The following TECTA variants were observed in gnomAD, a reference collection of about 807,000 sequenced individuals.
TECTA encodes tectorin alpha.
In TECTA, 128 loss-of-function variants were observed where a neutral mutation model predicts 216.8. The ratio of observed to expected loss-of-function variants is 0.59; its 90% CI spans 0.51 to 0.68. TECTA has a LOEUF of 0.68. Among genes scored for constraint, TECTA ranks in the 30% least tolerant of loss-of-function variants. The pLI, the probability that TECTA is intolerant of heterozygous loss-of-function variation, is 0.00. For missense variants in TECTA, 2,551 were observed against 2,786.2 expected, an observed-to-expected ratio of 0.92 and a Z score of 1.90; for synonymous variants, 1,089 against 1,117.1, an observed-to-expected ratio of 0.97 and a Z score of 0.50.
rs200019166 is a variant in TECTA, at chr11:121,160,389, C to T, written c.4944C>T (p.Ala1648=). The T allele has an allele frequency of 1.3e-5, 21 of 1,612,764 alleles. No homozygotes were observed. The highest frequency in any genetic ancestry group is 1.6e-4 in the Middle Eastern group (1 of 6,062). ...CGGTGGTAAGCAGCGTGGTGCTGGC[C>T]CAGAGCTGGAAAACCAATGGCATGC... ...GKPVVSSVVL[A]QSWKTNGMQK... Residue 1648 remains alanine, a synonymous_variant, in exon 15 of 24, where the codon GCC becomes GCT. Coordinates refer to ENST00000392793, the MANE Select transcript of TECTA (RefSeq NM_005422.4).
intron 12 of TECTA, among the ~76,000 whole-genome samples, chr11:121,150,643 ATT>A (rs202043512): frequency 0.015 from 1,933 of 127,882 alleles, 16 homozygotes; most frequent in Middle Eastern, 0.045. Flanking sequence ...GCCTATTTTA[ATT>A]TTTTTTTTTT....
In TECTA at chr11:121,145,551, A is replaced by G; in HGVS notation, c.3544-4A>G. On this transcript the variant is annotated splice_polypyrimidine_tract_variant and splice_region_variant and intron_variant, in intron 11 of 23. Coordinates refer to ENST00000392793, the MANE Select transcript of TECTA (RefSeq NM_005422.4). ...GTTTCTCCACCTCATCTCTCCTCTT[A>G]CAGGTCAACAGTGAACGGCTCTATC... The G allele has an allele frequency of 6.2e-7, 1 of 1,614,132 alleles. No homozygotes were observed. Among genetic ancestry groups the G allele is most frequent in the Non-Finnish European group, 8.5e-7 (1 of 1,179,982 alleles).
chr11:121,179,585 G>T (rs1486045095), intron 20 of TECTA, among the ~76,000 whole-genome samples: 1 of 151,902 alleles, frequency 6.6e-6, no homozygotes, highest in Non-Finnish European at 1.5e-5. Context: ...AATTTTTTTT[G>T]TTGATTTTCT....
intron 18 of TECTA, among the ~76,000 whole-genome samples, chr11:121,167,842 G>A (rs1307644104): frequency 6.6e-6 from 1 of 152,188 alleles, no homozygotes; most frequent in Non-Finnish European, 1.5e-5. Context: ...GGGTATTCAA[G>A]GTTATCAGAC....
At chr11:121,186,188 A>G (rs374454135) in intron 20 of TECTA, among the ~76,000 whole-genome samples, 86 of 151,544 alleles carry the variant, frequency 5.7e-4, no homozygotes, top group Non-Finnish European at 9.7e-4. Flanking sequence ...CAGATGTTCA[A>G]TGCTTAATGA....
At chr11:121,112,991 G>T (rs913120299) in intron 4 of TECTA, 81 bp from the exon 5 acceptor site, 3 of 1,572,974 alleles carry the variant, frequency 1.9e-6, no homozygotes, top group Admixed American at 3.4e-5. Context: ...TGGGGAGGGC[G>T]CAGGGTGAAG....
intron 12 of TECTA, 84 bp from the exon 13 acceptor site, chr11:121,152,797 C>T: frequency 6.9e-7 from 1 of 1,446,466 alleles, no homozygotes; most frequent in Non-Finnish European, 9.5e-7. Flanking sequence ...TTTCATCTCC[C>T]TGAGTAGGTG....
intron 13 of TECTA, among the ~76,000 whole-genome samples, chr11:121,155,010 C>T (rs1351290946): frequency 6.6e-6 from 1 of 152,196 alleles, no homozygotes; most frequent in African/African-American, 2.4e-5. Flanking sequence ...ATCAGAACCT[C>T]AGTGGATTTT....
rs1277490247 is a variant in TECTA, at chr11:121,127,114, A to T, written c.1775-638A>T. ...TTAAAGCAAGAACCGAAGATTTCTA[A>T]GGCAAGAAGGGCCTTTAGAAGACAT... is the stretch of plus-strand genomic sequence containing the variant. On this transcript the variant is annotated intron_variant, in intron 8 of 23. Coordinates refer to ENST00000392793, the MANE Select transcript of TECTA (RefSeq NM_005422.4). This position sits in a 1 kb window ranked among gnomAD's most constrained non-coding sequence, Gnocchi z 5.0. Among the ~76,000 whole-genome samples the T allele has an allele frequency of 3.3e-5, 5 of 152,224 alleles. No individual in the cohort carries two copies. The highest frequency in any genetic ancestry group is 7.3e-5 in the Non-Finnish European group (5 of 68,034).
intron 12 of TECTA, among the ~76,000 whole-genome samples, chr11:121,151,214 C>T (rs1245245439): frequency 2.6e-5 from 4 of 152,130 alleles, no homozygotes; most frequent in African/African-American, 4.8e-5. Context: ...CCTCCAATAG[C>T]GCAGGTAGGA....
At chr11:121,153,390 TTCTG>T (rs1946912295) in intron 13 of TECTA, among the ~76,000 whole-genome samples, 1 of 152,240 alleles carries the variant, frequency 6.6e-6, no homozygotes, top group African/African-American at 2.4e-5. Context: ...TTCTCTGATT[TTCTG>T]TCCTGTGAAT....
intron 11 of TECTA, among the ~76,000 whole-genome samples, chr11:121,141,571 C>T (rs1946784396): frequency 6.6e-6 from 1 of 152,242 alleles, no homozygotes; most frequent in Non-Finnish European, 1.5e-5. Context: ...CAGCCATCCA[C>T]AGCCAGGGCT....
intron 7 of TECTA, among the ~76,000 whole-genome samples, chr11:121,120,403 C>G (rs1262241431): frequency 6.6e-6 from 1 of 152,180 alleles, no homozygotes; most frequent in Non-Finnish European, 1.5e-5. Context: ...CTGAATACAC[C>G]TGCCCTGCTG....
chr11:121,102,377 G>A (rs941791799), intron 1 of TECTA, among the ~76,000 whole-genome samples: 3 of 152,230 alleles, frequency 2.0e-5, no homozygotes, highest in East Asian at 3.9e-4. Flanking sequence ...TTTCCTTTAC[G>A]CATACCACTC....
intron 20 of TECTA, among the ~76,000 whole-genome samples, chr11:121,183,649 C>T (rs570615780): frequency 2.7e-4 from 41 of 152,320 alleles, no homozygotes; most frequent in Admixed American, 1.3e-3. Flanking sequence ...ATCACTTGAA[C>T]TCAGGAGGCA....
In TECTA at chr11:121,191,098, A is replaced by T. The variant is rs1334340840; in HGVS notation, c.*292A>T. The T allele has an allele frequency of 2.9e-6, 1 of 345,578 alleles. No homozygotes were observed. The highest frequency in any genetic ancestry group is 4.1e-5 in the Admixed American group (1 of 24,480). The allele number at this position is 345,578 out of a possible 1,614,324, so 21.4% of individuals were successfully genotyped here. Reference sequence around the variant, plus strand: ...TCACATGAAAAACCAGTAAAGGAAAAAAATTCTGGTTAGAGAAATCTGACT... The same window carrying T: ...TCACATGAAAAACCAGTAAAGGAAATAAATTCTGGTTAGAGAAATCTGACT... On this transcript the variant is annotated 3_prime_UTR_variant, in exon 24 of 24. Coordinates refer to ENST00000392793, the MANE Select transcript of TECTA (RefSeq NM_005422.4).
intron 23 of TECTA, 109 bp downstream of exon 23, chr11:121,189,989 G>A (rs1315801464): frequency 8.4e-6 from 7 of 832,364 alleles, no homozygotes; most frequent in South Asian, 2.8e-5. Flanking sequence ...ACTCTCCCTC[G>A]AAAACTCCAG....
chr11:121,121,395 A>G (rs1174904767), intron 7 of TECTA, among the ~76,000 whole-genome samples: 1 of 152,182 alleles, frequency 6.6e-6, no homozygotes, highest in Non-Finnish European at 1.5e-5. Context: ...GGCAGAAGAA[A>G]AGCAAGCAAA....
Position 121,105,802 on chromosome 11 carries a change from A to G in TECTA, c.65-29A>G, listed in dbSNP as rs747079809. 9.9e-6 allele frequency: 16 copies of G among 1,613,876 alleles called. No homozygotes were observed. Among genetic ancestry groups the G allele is most frequent in the Non-Finnish European group, 1.1e-5 (13 of 1,179,988 alleles). ...TTGCCAAACGGCAGAGGGAGCTGCCATCTATCTAACCATCATCTCTCTTGA... is the reference window on the plus strand; with the variant it reads ...TTGCCAAACGGCAGAGGGAGCTGCCGTCTATCTAACCATCATCTCTCTTGA... On this transcript the variant is annotated intron_variant, in intron 2 of 23. Transcript: ENST00000392793. The surrounding 1 kb of genome is among the most constrained non-coding windows in gnomAD (Gnocchi z 5.3).
Sources: allele counts gnomAD v4.1 joint callset (sites outside exome capture counted in the v4.1 genomes callset), GRCh38; gene constraint gnomAD v4.1.1; non-coding constraint Gnocchi (gnomAD v3.1); transcripts MANE v1.5; gene names NCBI Gene and HGNC (gene_info 2026-07-23, HGNC 2026-07-21).